The following BEND2 variants were observed in gnomAD, a reference collection of about 807,000 sequenced individuals.
The protein encoded by BEND2 is BEN domain-containing protein 2.
BEND2 carries 19 observed loss-of-function variants against 43.8 expected under a neutral mutation model. That is an observed-to-expected ratio of 0.43 (90% CI 0.30 to 0.64). The LOEUF (loss-of-function observed/expected upper bound fraction) is 0.64. Among genes scored for constraint, BEND2 ranks in the 30% least tolerant of loss-of-function variants. The pLI is 0.11. For synonymous variants in BEND2, 226 were observed against 210.1 expected (o/e 1.08, Z -0.66); for missense variants, 544 against 574.0 (o/e 0.95, Z 0.53).
At chrX:18,202,488 G>C (rs1039255935) in intron 5 of BEND2, among the ~76,000 whole-genome samples, 5 of 111,690 alleles carry the variant, frequency 4.5e-5, no homozygotes, top group Non-Finnish European at 7.5e-5. Context: ...TATAAAAGAG[G>C]CTTCACACGG....
Position 18,164,737 on chromosome X carries a change from T to C in BEND2, c.*272A>G. 3.7e-6 allele frequency: 1 copy of C among 270,934 alleles called. No individual in the cohort carries two copies. The highest frequency in any genetic ancestry group is 2.7e-5 in the African/African-American group (1 of 36,472). 22.3% of individuals were successfully genotyped at this position (270,934 alleles called of 1,213,427 possible). A position where few individuals can be genotyped will look rare whatever the true frequency, so the allele number is the denominator to read the frequency against. ...AAACAAAGTATATTAATGTCAATTA[T>C]CTAAGTCAAAGCCATGGGTCACAAG... is the stretch of plus-strand genomic sequence containing the variant. On this transcript the variant is annotated 3_prime_UTR_variant, in exon 14 of 14. Transcript: ENST00000380033.
At chrX:18,203,129 G>C (rs907852065) in intron 5 of BEND2, among the ~76,000 whole-genome samples, 1 of 111,730 alleles carries the variant, frequency 9.0e-6, no homozygotes, top group East Asian at 2.8e-4. Context: ...AGGTAAGTGG[G>C]GGAAGGAAAA....
intron 1 of BEND2, among the ~76,000 whole-genome samples, chrX:18,219,368 G>A (rs1925779353): frequency 8.9e-6 from 1 of 112,772 alleles, no homozygotes; most frequent in Admixed American, 9.3e-5. Flanking sequence ...CCGGGCCCTC[G>A]CACGCCTCGA....
chrX:18,182,614 C>T (rs1924422795), intron 8 of BEND2, among the ~76,000 whole-genome samples: 2 of 111,397 alleles, frequency 1.8e-5, no homozygotes, highest in South Asian at 7.6e-4. Context: ...TATAATGATC[C>T]TCAATATGTT....
At chrX:18,178,931 T>A (rs1924275708) in intron 9 of BEND2, among the ~76,000 whole-genome samples, 1 of 111,435 alleles carries the variant, frequency 9.0e-6, no homozygotes, top group African/African-American at 3.3e-5. Flanking sequence ...AGTGATTAAT[T>A]CCCTATCATC....
rs747649380 is a variant in BEND2, at chrX:18,218,668, G to C, written c.26-1935C>G. Among the ~76,000 whole-genome samples the C allele has an allele frequency of 5.3e-3, 597 of 112,152 alleles. 3 individuals are homozygous for C. The highest frequency in any genetic ancestry group is 0.018 in the African/African-American group (568 of 30,927). On this transcript the variant is annotated intron_variant, in intron 1 of 13. Coordinates refer to ENST00000380033, the MANE Select transcript of BEND2 (RefSeq NM_153346.5). The stretch of plus-strand genomic sequence containing the variant: ...ACTTGGGGTCAGGAGTTCGAGACCA[G>C]CCTGGCCAACACAGTGAAACCCTGT...
intron 4 of BEND2, among the ~76,000 whole-genome samples, chrX:18,212,092 C>CTT (rs758303697): frequency 0.01 from 742 of 71,037 alleles, 21 homozygotes; most frequent in African/African-American, 0.032. Context: ...TTATTACTGT[C>CTT]TTTTTTTTTT....
chrX:18,214,491 T>C (rs1925610544), intron 2 of BEND2, among the ~76,000 whole-genome samples: 1 of 110,856 alleles, frequency 9.0e-6, no homozygotes, highest in Non-Finnish European at 1.9e-5. Flanking sequence ...TGTATATTTA[T>C]GATGTGTGCA....
At chrX:18,182,394 C>T (rs1924413690) in intron 8 of BEND2, among the ~76,000 whole-genome samples, 1 of 111,638 alleles carries the variant, frequency 9.0e-6, no homozygotes, top group African/African-American at 3.3e-5. Flanking sequence ...GTCAATTAAA[C>T]ATCGTTTCTT....
At chrX:18,198,966 G>C (rs1165945673) in intron 6 of BEND2, among the ~76,000 whole-genome samples, 2 of 101,256 alleles carry the variant, frequency 2.0e-5, no homozygotes, top group African/African-American at 7.2e-5. Context: ...AAAACCAAAC[G>C]CCGGATGTTC....
rs1923744499 is a variant in BEND2 at position 18,163,377 on chromosome X, C to T, written c.*1632G>A. 8.9e-6 allele frequency: 1 copy of T among 111,969 alleles called. No individual in the cohort carries two copies. 9.2% of individuals were successfully genotyped at this position (111,969 alleles called of 1,213,427 possible). ...CCACTATCCACTTGTGGCTATTTCA[C>T]TTTAAATTCTAATTAGCTAAAATGA... On this transcript the variant is annotated 3_prime_UTR_variant, in exon 14 of 14. Coordinates refer to ENST00000380033, the MANE Select transcript of BEND2 (RefSeq NM_153346.5).
chrX:18,220,297 C>T (rs1459552296), intron 1 of BEND2, among the ~76,000 whole-genome samples: 1 of 112,390 alleles, frequency 8.9e-6, no homozygotes, highest in Non-Finnish European at 1.9e-5. Context: ...ATCGCCGGAG[C>T]CCGGCGTCGC....
At chrX:18,172,069 G>A (rs914779811) in intron 12 of BEND2, among the ~76,000 whole-genome samples, 5 of 110,071 alleles carry the variant, frequency 4.5e-5, no homozygotes, top group African/African-American at 1.6e-4. Flanking sequence ...TAGTCTATTC[G>A]AATTAACTAC....
rs1924133712 is a variant in BEND2, at chrX:18,175,971, C to T, written c.1752+1G>A. The T allele has an allele frequency of 8.5e-7, 1 of 1,181,063 alleles. No individual in the cohort carries two copies. Among genetic ancestry groups the T allele is most frequent in the African/African-American group, 1.8e-5 (1 of 55,709 alleles). ...CCATATTTAGATGAAAAATAACTTA[C>T]TGGAGTACTCTTGCCTTCAGAACAT... On this transcript the variant is annotated splice_donor_variant, in intron 11 of 13. Coordinates refer to ENST00000380033, the MANE Select transcript of BEND2 (RefSeq NM_153346.5). LOFTEE classifies it high-confidence loss of function.
chrX:18,189,002 C>A (rs931663921), intron 8 of BEND2, among the ~76,000 whole-genome samples: 1 of 109,379 alleles, frequency 9.1e-6, no homozygotes, highest in Non-Finnish European at 1.9e-5. Flanking sequence ...AGTTCGAGAC[C>A]AGCCTGGCCA....
chrX:18,190,049 C>CAA (rs368542136), intron 8 of BEND2, among the ~76,000 whole-genome samples: 1 of 85,053 alleles, frequency 1.2e-5, no homozygotes, highest in African/African-American at 4.2e-5. Flanking sequence ...GACTCTATCT[C>CAA]AAAAAAAAAA....
intron 5 of BEND2, 101 bp from the exon 6 acceptor site, chrX:18,202,041 T>C (rs1163491703): frequency 1.2e-6 from 1 of 858,597 alleles, no homozygotes; most frequent in African/African-American, 2.1e-5. Context: ...AAACAGACAT[T>C]CACACACAAA....
chrX:18,197,748 G>C (rs977905760), intron 6 of BEND2, among the ~76,000 whole-genome samples: 1 of 111,683 alleles, frequency 9.0e-6, no homozygotes, highest in African/African-American at 3.3e-5. Flanking sequence ...TTCTCCTTGA[G>C]TAATGATATG....
rs148002154 is a variant in BEND2, at chrX:18,203,814, C to A, written c.594G>T (p.Gln198His). The A allele has an allele frequency of 1.6e-3, 1,959 of 1,209,454 alleles. 18 individuals are homozygous for A. In the African/African-American group the frequency reaches 0.028, roughly 17 times the overall value. ...SLESAACHELQEADLSESLSY... is the reference protein window; with the variant it reads ...SLESAACHELHEADLSESLSY... The stretch of plus-strand genomic sequence containing the variant: ...ATAAACTCTCACTGAGGTCTGCTTC[C>A]TGCAGTTCATGACATGCTGCTGACT... The change falls in exon 5 of 14, where the codon CAG becomes CAT. Residue 198 changes from glutamine (Q) to histidine (H), a missense_variant. Gln to His is a conservative substitution (Grantham distance 24). Around this residue, in one of 2 missense-constraint regions of BEND2, gnomAD observed 501 missense variants for 501.6 expected, o/e 1.00. Coordinates refer to ENST00000380033, the MANE Select transcript of BEND2 (RefSeq NM_153346.5).
Sources: gnomAD v4.1 joint callset for allele counts (sites outside exome capture counted in the v4.1 genomes callset) on GRCh38, gnomAD v4.1.1 for gene constraint, gnomAD v4.1.1 regional missense constraint, MANE v1.5 for transcripts, NCBI Gene and HGNC (gene_info 2026-07-23, HGNC 2026-07-21) for gene names.